Variants in SLA observed in about 807,000 individuals in gnomAD.
The protein encoded by SLA is Src like adaptor, also known as src-like-adapter.
Under a neutral mutation model 30.3 loss-of-function variants are expected in SLA, and 16 were observed. That is an observed-to-expected ratio of 0.53 (90% CI 0.36 to 0.80). The LOEUF (loss-of-function observed/expected upper bound fraction) is 0.80. Ranked by LOEUF, SLA falls within the 30% of genes least tolerant of loss-of-function variation. The pLI, the probability that SLA is intolerant of heterozygous loss-of-function variation, is 0.01. For missense variants in SLA, 310 were observed against 345.2 expected (o/e 0.90, Z 0.81); for synonymous variants, 143 against 137.8 (o/e 1.04, Z -0.26).
chr8:133,067,935 G>A (rs1029125975), intron 2 of SLA, among the ~76,000 whole-genome samples: 1 of 150,790 alleles, frequency 6.6e-6, no homozygotes, highest in Non-Finnish European at 1.5e-5. Context: ...GAGAGAGAAA[G>A]AAAGAAAGAG....
At chr8:133,059,987 C>T (rs970876739) in intron 3 of SLA, 113 bp downstream of exon 3, 1 of 1,071,410 alleles carries the variant, frequency 9.3e-7, no homozygotes, top group Non-Finnish European at 1.3e-6. Flanking sequence ...ATAATGAGCC[C>T]TTCGGTACCC....
rs1282569877 is a variant in SLA, at chr8:133,093,104, A to T, written c.-319+9449T>A. The stretch of plus-strand genomic sequence containing the variant: ...CGGAGTTTTGAGCTTGAATATTTTG[A>T]GTGTGTGTGTGTGTGTTTTCTTTTC... On this transcript the variant is annotated intron_variant, in intron 1 of 8. Transcript: ENST00000338087. Among the ~76,000 whole-genome samples the T allele has an allele frequency of 2.8e-5, 4 of 144,648 alleles. No homozygotes were observed. In the East Asian group the frequency reaches 6.0e-4, roughly 22 times the overall value. The allele number at this position is 144,648 out of a possible 152,430, so 94.9% of individuals were successfully genotyped here. A position where few individuals can be genotyped will look rare whatever the true frequency, so the allele number is the denominator to read the frequency against.
At chr8:133,062,305 A>G (rs1842477121) in intron 2 of SLA, among the ~76,000 whole-genome samples, 1 of 152,184 alleles carries the variant, frequency 6.6e-6, no homozygotes, top group African/African-American at 2.4e-5. Flanking sequence ...TTCTAACAGC[A>G]ACACCTGCAG....
In SLA at chr8:133,095,273, C is replaced by T. The variant is rs1201940769; in HGVS notation, c.-319+7280G>A. The stretch of plus-strand genomic sequence containing the variant: ...GTCTTTTACAAATAGAAAATGAAGA[C>T]CTAGGAAGGAGGTGTCACCCACCCC... On this transcript the variant is annotated intron_variant, in intron 1 of 8. Transcript: ENST00000338087. The T allele has an allele frequency of 2.1e-5, 34 of 1,611,200 alleles. 1 individual carries two copies. The Middle Eastern group carries it at 2.2e-3, about 104-fold the overall frequency.
intron 2 of SLA, among the ~76,000 whole-genome samples, chr8:133,062,203 T>C (rs557712191): frequency 6.6e-6 from 1 of 152,268 alleles, no homozygotes; most frequent in Non-Finnish European, 1.5e-5. Context: ...TCTTCATGCT[T>C]GCCCCTACCC....
At chr8:133,097,208 T>C (rs1848558764) in intron 1 of SLA, among the ~76,000 whole-genome samples, 1 of 152,218 alleles carries the variant, frequency 6.6e-6, no homozygotes, top group Non-Finnish European at 1.5e-5. Context: ...GGAATTTTAT[T>C]AAATCATGAA....
At chr8:133,074,102 A>T (rs1373171780) in intron 2 of SLA, among the ~76,000 whole-genome samples, 1 of 152,126 alleles carries the variant, frequency 6.6e-6, no homozygotes, top group East Asian at 1.9e-4. Flanking sequence ...GGAGTGTGCC[A>T]TATTTCTTAG....
Position 133,075,137 on chromosome 8 carries a change from A to G in SLA, c.-318-7T>C. 1 of 985,288 alleles carries G rather than the reference A, an allele frequency of 1.0e-6. No homozygotes were observed. The allele number at this position is 985,288 out of a possible 1,614,324, so 61.0% of individuals were successfully genotyped here. On this transcript the variant is annotated splice_region_variant and splice_polypyrimidine_tract_variant and intron_variant, in intron 1 of 8. Transcript: ENST00000338087. ...AAGCTTCTCTCTGCAAGGACTGGGA[A>G]GATAGATGGGTTATTAATTTTTTTA...
chr8:133,082,859 A>G (rs1486117856), intron 1 of SLA, among the ~76,000 whole-genome samples: 1 of 152,206 alleles, frequency 6.6e-6, no homozygotes, highest in Non-Finnish European at 1.5e-5. Context: ...TATTGTTATC[A>G]GTTTATGCTG....
intron 5 of SLA, chr8:133,049,417 C>T (rs1283642772): frequency 3.5e-6 from 1 of 286,528 alleles, no homozygotes; most frequent in Non-Finnish European, 7.0e-6. Context: ...ATCTTATTCT[C>T]CTAACAACCC....
chr8:133,088,254 C>T (rs1474370131), intron 1 of SLA, among the ~76,000 whole-genome samples: 2 of 146,762 alleles, frequency 1.4e-5, no homozygotes, highest in Non-Finnish European at 3.1e-5. Context: ...GGCTCCCCTC[C>T]TGCTCCTCCT....
At chr8:133,055,997 G>C (rs1029812928) in intron 3 of SLA, among the ~76,000 whole-genome samples, 2 of 152,080 alleles carry the variant, frequency 1.3e-5, no homozygotes, top group African/African-American at 4.8e-5. Context: ...TGAGGAAATA[G>C]AGGCACAGTG....
chr8:133,070,066 T>C (rs1288328014), intron 2 of SLA, among the ~76,000 whole-genome samples: 1 of 127,418 alleles, frequency 7.8e-6, no homozygotes, highest in East Asian at 2.5e-4. Flanking sequence ...AGAAAGGAAC[T>C]GAAGAAACAA....
intron 1 of SLA, among the ~76,000 whole-genome samples, chr8:133,081,122 C>G (rs987225369): frequency 2.0e-5 from 3 of 152,234 alleles, no homozygotes; most frequent in African/African-American, 7.2e-5. Context: ...GTGTACAGCC[C>G]ACCTGGTCTC....
intron 1 of SLA, among the ~76,000 whole-genome samples, chr8:133,089,553 T>C (rs1028917582): frequency 6.6e-6 from 1 of 152,200 alleles, no homozygotes. Context: ...ATCACATCTC[T>C]TACTTAGTCT....
Position 133,037,075 on chromosome 8 carries a change from A to G in SLA, c.*1449T>C, listed in dbSNP as rs1345645711. ...GAAAACTGTGTAACTGCACATACAC[A>G]TACCAGTAGCACGATGAGCTCAGAT... On this transcript the variant is annotated 3_prime_UTR_variant, in exon 9 of 9. Coordinates refer to ENST00000338087, the MANE Select transcript of SLA (RefSeq NM_001045556.3). The G allele has an allele frequency of 6.6e-6, 1 of 152,234 alleles. No homozygotes were observed. Among genetic ancestry groups the G allele is most frequent in the Middle Eastern group, 3.2e-3 (1 of 316 alleles). The allele number at this position is 152,234 out of a possible 1,614,324, so 9.4% of individuals were successfully genotyped here.
At chr8:133,058,949 T>C (rs1587930749) in intron 3 of SLA, 1 of 476,354 alleles carries the variant, frequency 2.1e-6, no homozygotes, top group Non-Finnish European at 4.2e-6. Flanking sequence ...CTTGGCATGC[T>C]GGCTTGGGGG....
intron 6 of SLA, 134 bp from the exon 7 acceptor site, chr8:133,045,249 C>T: frequency 1.2e-6 from 1 of 823,474 alleles, no homozygotes; most frequent in South Asian, 1.6e-5. Context: ...AGGATGCAGC[C>T]CCTCCCTCCA....
chr8:133,037,735 G>C lies in SLA; in HGVS notation c.*789C>G, dbSNP rs1043462278. On this transcript the variant is annotated 3_prime_UTR_variant, in exon 9 of 9. Transcript: ENST00000338087. The stretch of plus-strand genomic sequence containing the variant: ...ATACTTGATGCATTCATACAGGCAA[G>C]AATCCCAGCATCCCAGAGAAGCTCT... 1 of 151,724 alleles carries C rather than the reference G, an allele frequency of 6.6e-6. No homozygotes were observed. Among genetic ancestry groups the C allele is most frequent in the South Asian group, 2.1e-4 (1 of 4,818 alleles). The allele number at this position is 151,724 out of a possible 1,614,324, so 9.4% of individuals were successfully genotyped here.
Sources: gnomAD v4.1 joint callset for allele counts (sites outside exome capture counted in the v4.1 genomes callset) on GRCh38, gnomAD v4.1.1 for gene constraint, MANE v1.5 for transcripts, NCBI Gene and HGNC (gene_info 2026-07-23, HGNC 2026-07-21) for gene names.